DNAH12: variants seen among roughly 807,000 people sequenced by gnomAD.
DNAH12 encodes axonemal beta dynein heavy chain 12.
DNAH12 carries 285 observed loss-of-function variants against 371.5 expected under a neutral mutation model. The observed-to-expected ratio is 0.77, with a 90% CI of 0.70 to 0.85. DNAH12 has a LOEUF of 0.85. Ranked by LOEUF, DNAH12 falls within the 40% of genes least tolerant of loss-of-function variation. The pLI is 0.00. For synonymous variants in DNAH12, 1,200 were observed against 1,213.0 expected, an observed-to-expected ratio of 0.99 and a Z score of 0.22; for missense variants, 3,611 against 3,689.4, an observed-to-expected ratio of 0.98 and a Z score of 0.55.
At chr3:57,509,849 G>A (rs1349961464) in intron 5 of DNAH12, among the ~76,000 whole-genome samples, 1 of 112,766 alleles carries the variant, frequency 8.9e-6, no homozygotes, top group Non-Finnish European at 1.7e-5. Context: ...GCGACAGAGT[G>A]AGACTCCATC....
chr3:57,361,444 CTAT>C (rs2062930209), intron 58 of DNAH12, among the ~76,000 whole-genome samples: 1 of 116,722 alleles, frequency 8.6e-6, no homozygotes, highest in Non-Finnish European at 1.6e-5. Flanking sequence ...CACACACACA[CTAT>C]ATATATATAT....
intron 13 of DNAH12, among the ~76,000 whole-genome samples, chr3:57,473,295 T>C (rs1401729820): frequency 6.6e-6 from 1 of 152,120 alleles, no homozygotes; most frequent in Non-Finnish European, 1.5e-5. Context: ...GAGACCAGCC[T>C]GGCCAACGTG....
rs2153402371 is a variant in DNAH12, at chr3:57,538,389, C to G, written c.170+4312G>C. 2.4e-5 allele frequency among the ~76,000 whole-genome samples: 2 copies of G among 83,576 alleles called. 1 individual carries two copies. The highest frequency in any genetic ancestry group is 1.2e-3 in the South Asian group (2 of 1,694). The allele number at this position is 83,576 out of a possible 152,430, so 54.8% of individuals were successfully genotyped here. ...ATTAAGCACCAAAATAAAAGTTGTACTACTTACAGATCTGTATAAAGCACA... is the reference window on the plus strand; with the variant it reads ...ATTAAGCACCAAAATAAAAGTTGTAGTACTTACAGATCTGTATAAAGCACA... On this transcript the variant is annotated intron_variant, in intron 2 of 73. Coordinates refer to ENST00000495027, the MANE Select transcript of DNAH12 (RefSeq NM_001366028.2).
At chr3:57,517,042 T>C (rs1321954787) in intron 4 of DNAH12, among the ~76,000 whole-genome samples, 1 of 152,154 alleles carries the variant, frequency 6.6e-6, no homozygotes, top group African/African-American at 2.4e-5. Context: ...GACTTAAACT[T>C]AGCTGTTCCC....
At chr3:57,549,623 ATATTT>A in the DNAH12 span, among the ~76,000 whole-genome samples, 18 of 152,118 alleles carry the variant, frequency 1.2e-4, no homozygotes, top group East Asian at 2.3e-3. Flanking sequence ...ATCTTTTACT[ATATTT>A]TATTTTATTT....
rs1424925294 is a variant in DNAH12 at position 57,529,090 on chromosome 3, G to A, written c.171-5206C>T. Among the ~76,000 whole-genome samples the A allele has an allele frequency of 2.6e-5, 4 of 152,118 alleles. No individual in the cohort carries two copies. In the South Asian group the frequency reaches 6.2e-4, roughly 24 times the overall value. The stretch of plus-strand genomic sequence containing the variant: ...GCTGGGATTACAGGCGTGAGCCATC[G>A]CGCCTGGCCGATGAATGACCTTTTT... On this transcript the variant is annotated intron_variant, in intron 2 of 73. Coordinates refer to ENST00000495027, the MANE Select transcript of DNAH12 (RefSeq NM_001366028.2).
intron 65 of DNAH12, 102 bp from the exon 66 acceptor site, chr3:57,314,733 T>G: frequency 8.2e-7 from 1 of 1,226,636 alleles, no homozygotes; most frequent in Non-Finnish European, 1.1e-6. Context: ...GATTCTGTGA[T>G]CACGTATCTC....
chr3:57,509,030 G>C lies in DNAH12; in HGVS notation c.542+110C>G, dbSNP rs571791290. 2.2e-5 allele frequency: 21 copies of C among 960,250 alleles called. No homozygotes were observed. The African/African-American group carries it at 3.5e-4, about 16-fold the overall frequency. The allele number at this position is 960,250 out of a possible 1,614,324, so 59.5% of individuals were successfully genotyped here. ...ACAAGAGTACTTTTTTTTTAGATGTGTTCAAAATACCTTTGAGCATCACAA... is the reference window on the plus strand; with the variant it reads ...ACAAGAGTACTTTTTTTTTAGATGTCTTCAAAATACCTTTGAGCATCACAA... On this transcript the variant is annotated intron_variant, in intron 6 of 73. Coordinates refer to ENST00000495027, the MANE Select transcript of DNAH12 (RefSeq NM_001366028.2).
chr3:57,514,687 AG>A (rs1199062290), intron 4 of DNAH12, among the ~76,000 whole-genome samples: 2 of 152,164 alleles, frequency 1.3e-5, no homozygotes, highest in Non-Finnish European at 2.9e-5. Context: ...TCAAAGTATA[AG>A]TAAAAAATAT....
chr3:57,417,016 C>T (rs755338608), intron 37 of DNAH12, among the ~76,000 whole-genome samples: 2 of 152,024 alleles, frequency 1.3e-5, no homozygotes, highest in Non-Finnish European at 2.9e-5. Context: ...TTTGGGAGGC[C>T]GAGGCAGGTG....
intron 30 of DNAH12, 112 bp from the exon 31 acceptor site, chr3:57,433,940 C>A: frequency 1.0e-6 from 1 of 970,786 alleles, no homozygotes; most frequent in Non-Finnish European, 1.4e-6. Flanking sequence ...TTTTTGAAAT[C>A]ATATGAATTT....
intron 8 of DNAH12, 54 bp downstream of exon 8, chr3:57,507,589 A>G (rs2067808854): frequency 7.8e-7 from 1 of 1,276,176 alleles, no homozygotes; most frequent in South Asian, 1.7e-5. Flanking sequence ...TCTATTTAAA[A>G]TATTGAACTA....
At chr3:57,300,739 C>T (rs1161301552) in intron 70 of DNAH12, among the ~76,000 whole-genome samples, 2 of 152,068 alleles carry the variant, frequency 1.3e-5, no homozygotes, top group Non-Finnish European at 2.9e-5. Flanking sequence ...TGAAAGAAAG[C>T]TTTTGTGCAA....
intron 69 of DNAH12, among the ~76,000 whole-genome samples, chr3:57,304,346 T>G (rs2061425304): frequency 6.6e-6 from 1 of 152,152 alleles, no homozygotes; most frequent in Non-Finnish European, 1.5e-5. Flanking sequence ...GTGAGAAAGA[T>G]CCACCTATGA....
rs945821386 is a variant in DNAH12 at position 57,489,501 on chromosome 3, C to T, written c.1514+8G>A. 10 of 1,500,622 alleles carry T rather than the reference C, an allele frequency of 6.7e-6. No homozygotes were observed. The African/African-American group carries it at 1.3e-4, about 19-fold the overall frequency. 93.0% of individuals were successfully genotyped at this position (1,500,622 alleles called of 1,614,324 possible). A position where few individuals can be genotyped will look rare whatever the true frequency, so the allele number is the denominator to read the frequency against. ...ATAATTCTGAGCTTGGGAATTAATT[C>T]TACTTACCATTCATTTTCTTTTCTA... On this transcript the variant is annotated splice_region_variant and intron_variant, in intron 12 of 73. Transcript: ENST00000495027.
chr3:57,333,053 T>C (rs1271494777), intron 62 of DNAH12, among the ~76,000 whole-genome samples: 6 of 152,158 alleles, frequency 3.9e-5, no homozygotes, highest in Non-Finnish European at 8.8e-5. Flanking sequence ...AGAAATATTT[T>C]AGGCTTTGTG....
the DNAH12 span, among the ~76,000 whole-genome samples, chr3:57,552,474 T>C: frequency 6.6e-6 from 1 of 152,238 alleles, no homozygotes; most frequent in African/African-American, 2.4e-5. Flanking sequence ...GCTTATCCCA[T>C]TCACAGTTAT....
chr3:57,408,249 C>T (rs1464572461), intron 40 of DNAH12, 31 bp downstream of exon 40: 2 of 1,484,842 alleles, frequency 1.3e-6, no homozygotes, highest in Non-Finnish European at 1.8e-6. Flanking sequence ...ATATGTAATA[C>T]TAAAACATTT....
chr3:57,530,614 A>G (rs920109503), intron 2 of DNAH12: 12 of 580,942 alleles, frequency 2.1e-5, no homozygotes, highest in African/African-American at 1.5e-4. Context: ...CAGCCCAGGG[A>G]CAATGTATAG....
Sources: gnomAD v4.1 joint callset for allele counts (sites outside exome capture counted in the v4.1 genomes callset) on GRCh38, gnomAD v4.1.1 for gene constraint, MANE v1.5 for transcripts, NCBI Gene and HGNC (gene_info 2026-07-23, HGNC 2026-07-21) for gene names.